Variants in ATL2 observed in about 807,000 individuals in gnomAD.
ATL2 encodes the protein atlastin GTPase 2.
In ATL2, 31 loss-of-function variants were observed where a neutral mutation model predicts 73.9. The ratio of observed to expected loss-of-function variants is 0.42; its 90% CI spans 0.32 to 0.57. ATL2 has a LOEUF of 0.57. ATL2 is among the 20% of genes least tolerant of loss of function. The pLI is 0.14. For missense variants in ATL2, 738 were observed against 702.6 expected, an observed-to-expected ratio of 1.05 and a Z score of -0.57; for synonymous variants, 291 against 237.5, an observed-to-expected ratio of 1.23 and a Z score of -2.07.
At chr2:38,334,902 T>TTTATAATATATAAATATATTTATATA (rs1553336558) in intron 2 of ATL2, among the ~76,000 whole-genome samples, 7,883 of 64,894 alleles carry the variant, frequency 0.12, 1,570 homozygotes, top group African/African-American at 0.27. Flanking sequence ...ATATATATTA[T>TTTATAATATATAAATATATTTATATA]TTATAATATA....
At chr2:38,330,534 G>T (rs1326113053) in intron 2 of ATL2, among the ~76,000 whole-genome samples, 1 of 152,038 alleles carries the variant, frequency 6.6e-6, no homozygotes. Context: ...AAAATTATTG[G>T]AACTAATGAA....
At chr2:38,342,793 G>A (rs1573531713) in intron 2 of ATL2, among the ~76,000 whole-genome samples, 1 of 152,118 alleles carries the variant, frequency 6.6e-6, no homozygotes, top group Non-Finnish European at 1.5e-5. Flanking sequence ...CTGGAACACA[G>A]ATGCTCAATT....
chr2:38,315,942 A>T (rs1668005014), intron 4 of ATL2, among the ~76,000 whole-genome samples: 1 of 152,230 alleles, frequency 6.6e-6, no homozygotes, highest in African/African-American at 2.4e-5. Context: ...TGCCCTTTCC[A>T]GAATTTTTTG....
At chr2:38,369,444 A>T (rs553509582) in intron 1 of ATL2, among the ~76,000 whole-genome samples, 1 of 152,120 alleles carries the variant, frequency 6.6e-6, no homozygotes, top group Admixed American at 6.5e-5. Flanking sequence ...CTCTGTCTCA[A>T]AGAAAAAATA....
At chr2:38,323,929 C>G (rs201956122) in intron 2 of ATL2, among the ~76,000 whole-genome samples, 1 of 152,110 alleles carries the variant, frequency 6.6e-6, no homozygotes, top group African/African-American at 2.4e-5. Context: ...AAGGTTCATA[C>G]AAAAGCCATA....
In ATL2 at chr2:38,369,574, C is replaced by G. The variant is rs544574489; in HGVS notation, c.118+7569G>C. Among the ~76,000 whole-genome samples, 9 of 151,594 alleles carry G rather than the reference C, an allele frequency of 5.9e-5. No individual in the cohort carries two copies. In the East Asian group the frequency reaches 1.4e-3, roughly 24 times the overall value. ...GTGCTGGGATTACAGTCGTGAGCCA[C>G]CATGCTCGGCCAATTTTTTTTTTTT... On this transcript the variant is annotated intron_variant, in intron 1 of 12. Coordinates refer to ENST00000378954, the MANE Select transcript of ATL2 (RefSeq NM_001135673.4).
chr2:38,296,350 T>C, intron 12 of ATL2: 1 of 1,464,574 alleles, frequency 6.8e-7, no homozygotes, highest in Non-Finnish European at 9.0e-7. Flanking sequence ...GATGTGCAAT[T>C]CCATACCCTA....
At chr2:38,377,356 G>C, upstream of ATL2, 1 of 1,087,932 alleles carries the variant, frequency 9.2e-7, no homozygotes, top group Non-Finnish European at 1.3e-6. Context: ...GCGGGTCCTA[G>C]CGCCGCTCTC....
intron 1 of ATL2, among the ~76,000 whole-genome samples, chr2:38,374,954 T>C (rs72907889): frequency 6.6e-6 from 1 of 152,172 alleles, no homozygotes; most frequent in Non-Finnish European, 1.5e-5. Flanking sequence ...CCCTATAATA[T>C]CTTTACTGTA....
intron 2 of ATL2, among the ~76,000 whole-genome samples, chr2:38,335,215 C>T (rs1669283757): frequency 6.6e-6 from 1 of 151,736 alleles, no homozygotes; most frequent in Non-Finnish European, 1.5e-5. Context: ...ACGGGTATTT[C>T]CCCCTGTGAC....
chr2:38,367,013 T>A (rs886917067), intron 1 of ATL2, among the ~76,000 whole-genome samples: 33 of 151,774 alleles, frequency 2.2e-4, no homozygotes, highest in African/African-American at 7.7e-4. Flanking sequence ...ACTATTATTA[T>A]TTTTTTTAGC....
chr2:38,300,127 C>A, intron 10 of ATL2, 145 bp downstream of exon 10: 1 of 609,678 alleles, frequency 1.6e-6, no homozygotes, highest in East Asian at 2.8e-5. Flanking sequence ...AACCTTAGGA[C>A]CCACGACACA....
chr2:38,304,040 G>A (rs1006744054), intron 9 of ATL2, among the ~76,000 whole-genome samples: 1 of 152,142 alleles, frequency 6.6e-6, no homozygotes, highest in Non-Finnish European at 1.5e-5. Flanking sequence ...GAGATGGGAG[G>A]ATCACTTGAG....
At chr2:38,340,091 G>C (rs900862863) in intron 2 of ATL2, among the ~76,000 whole-genome samples, 3 of 142,272 alleles carry the variant, frequency 2.1e-5, no homozygotes, top group Non-Finnish European at 4.5e-5. Flanking sequence ...TAATACCTAT[G>C]GTATGATTTC....
intron 2 of ATL2, among the ~76,000 whole-genome samples, chr2:38,325,691 CACA>C (rs1668590011): frequency 3.3e-5 from 2 of 61,280 alleles, no homozygotes; most frequent in Non-Finnish European, 5.2e-5. Context: ...CACACACACA[CACA>C]CCAGTACACA....
intron 2 of ATL2, among the ~76,000 whole-genome samples, chr2:38,334,994 C>A (rs1043262895): frequency 1.5e-4 from 12 of 79,242 alleles, no homozygotes; most frequent in Admixed American, 4.3e-4. Flanking sequence ...TTAAATCTGG[C>A]AAATAGTTTA....
chr2:38,323,356 T>G lies in ATL2; in HGVS notation c.364-4337A>C, dbSNP rs1030114827. 1.3e-4 allele frequency among the ~76,000 whole-genome samples: 17 copies of G among 134,030 alleles called. No homozygotes were observed. In the East Asian group the frequency reaches 3.3e-3, roughly 26 times the overall value. The allele number at this position is 134,030 out of a possible 152,430, so 87.9% of individuals were successfully genotyped here. On this transcript the variant is annotated intron_variant, in intron 2 of 12. Coordinates refer to ENST00000378954, the MANE Select transcript of ATL2 (RefSeq NM_001135673.4). The stretch of plus-strand genomic sequence containing the variant: ...AATCTGAAATCACCAGAAGTTTTTT[T>G]TTTTTTTTTTTTTTTTTTTGAGATG...
At chr2:38,322,345 T>C (rs1668373900) in intron 2 of ATL2, among the ~76,000 whole-genome samples, 1 of 152,214 alleles carries the variant, frequency 6.6e-6, no homozygotes, top group South Asian at 2.1e-4. Context: ...TTTTGTTTGT[T>C]TCATTCTTAC....
intron 1 of ATL2, among the ~76,000 whole-genome samples, chr2:38,366,284 A>G (rs1558458195): frequency 6.6e-6 from 1 of 152,184 alleles, no homozygotes; most frequent in African/African-American, 2.4e-5. Flanking sequence ...AGCTCCTCAG[A>G]TAATTTTTCC....
Sources: gnomAD v4.1 joint callset for allele counts (sites outside exome capture counted in the v4.1 genomes callset) on GRCh38, gnomAD v4.1.1 for gene constraint, MANE v1.5 for transcripts, NCBI Gene and HGNC (gene_info 2026-07-23, HGNC 2026-07-21) for gene names.